Variants in FUBP1 observed in about 807,000 individuals in gnomAD.
The protein encoded by FUBP1 is far upstream element-binding protein 1.
A neutral mutation model predicts 94.9 loss-of-function variants in FUBP1; 16 were observed. The ratio of observed to expected loss-of-function variants is 0.17; its 90% CI spans 0.11 to 0.26. FUBP1 has a LOEUF of 0.26. Ranked by LOEUF, FUBP1 falls within the 10% of genes least tolerant of loss-of-function variation. The pLI is 1.00. For missense variants in FUBP1, 583 were observed against 808.6 expected, an observed-to-expected ratio of 0.72 and a Z score of 3.38; for synonymous variants, 279 against 254.9, an observed-to-expected ratio of 1.09 and a Z score of -0.90.
intron 14 of FUBP1, among the ~76,000 whole-genome samples, chr1:77,962,322 A>G (rs1655641628): frequency 6.6e-6 from 1 of 152,090 alleles, no homozygotes; most frequent in African/African-American, 2.4e-5. Flanking sequence ...ACATTTTAAT[A>G]CCCCCAGATG....
chr1:77,954,898 T>C (rs1363331273), intron 18 of FUBP1, among the ~76,000 whole-genome samples: 1 of 152,216 alleles, frequency 6.6e-6, no homozygotes, highest in African/African-American at 2.4e-5. Context: ...ACTTCTTACC[T>C]GCTTATCTTG....
Position 77,970,026 on chromosome 1 carries a change from AAAAG to A in FUBP1, c.121-15_121-12del, listed in dbSNP as rs1657222298. 6.8e-7 allele frequency: 1 copy of A among 1,476,814 alleles called. No individual in the cohort carries two copies. The highest frequency in any genetic ancestry group is 1.9e-5 in the Admixed American group (1 of 53,998). 91.5% of individuals were successfully genotyped at this position (1,476,814 alleles called of 1,614,324 possible). A position where few individuals can be genotyped will look rare whatever the true frequency, so the allele number is the denominator to read the frequency against. ...AATTTTTGCTGCAATCTAAAAAAAAAAAAGAAAAATACCATCATAAACTATTATA... is the reference window on the plus strand; with the variant it reads ...AATTTTTGCTGCAATCTAAAAAAAAAAAAAATACCATCATAAACTATTATA... On this transcript the variant is annotated splice_polypyrimidine_tract_variant and intron_variant, in intron 1 of 19. Coordinates refer to ENST00000370768, the MANE Select transcript of FUBP1 (RefSeq NM_003902.5).
At chr1:77,973,488 C>CA (rs199636292) in intron 1 of FUBP1, among the ~76,000 whole-genome samples, 16,092 of 152,222 alleles carry the variant, frequency 0.11, 987 homozygotes, top group Admixed American at 0.19. Flanking sequence ...GCAAGTGATC[C>CA]ACCCGCCTCA....
In FUBP1 at chr1:77,978,319, G is replaced by T. The variant is rs145461242; in HGVS notation, c.120+566C>A. ...GCCTGAGGCCATTTTGAGAAATAAG[G>T]GGGGCGGACTGGTGGAACAGACTGA... On this transcript the variant is annotated intron_variant, in intron 1 of 19. Transcript: ENST00000370768. Among the ~76,000 whole-genome samples the T allele has an allele frequency of 1.4e-4, 22 of 152,316 alleles. No homozygotes were observed. The East Asian group carries it at 3.9e-3, about 27-fold the overall frequency.
intron 12 of FUBP1, 43 bp from the exon 13 acceptor site, chr1:77,963,758 T>G: frequency 1.3e-6 from 2 of 1,517,462 alleles, no homozygotes; most frequent in Non-Finnish European, 1.8e-6. Context: ...AGCACAGAAA[T>G]ACTTTTGTTT....
intron 1 of FUBP1, among the ~76,000 whole-genome samples, chr1:77,977,072 A>T (rs1658740588): frequency 6.6e-6 from 1 of 152,262 alleles, no homozygotes. Flanking sequence ...ACACTTATAA[A>T]GCAAGTGGAT....
intron 18 of FUBP1, among the ~76,000 whole-genome samples, chr1:77,954,889 C>G (rs754078110): frequency 9.2e-5 from 14 of 152,202 alleles, no homozygotes; most frequent in Non-Finnish European, 1.9e-4. Flanking sequence ...CTGCAGATTA[C>G]TTCTTACCTG....
At chr1:77,956,189 T>C (rs1482936083) in intron 17 of FUBP1, among the ~76,000 whole-genome samples, 1 of 152,240 alleles carries the variant, frequency 6.6e-6, no homozygotes, top group Non-Finnish European at 1.5e-5. Context: ...TTTGAAGAAG[T>C]ACCCAACAGG....
chr1:77,963,782 T>A (rs554640602), intron 12 of FUBP1, 67 bp from the exon 13 acceptor site: 4 of 1,337,218 alleles, frequency 3.0e-6, no homozygotes, highest in African/African-American at 3.0e-5. Flanking sequence ...GATAAAATTA[T>A]TAAGTTTATT....
At position 77,947,289 on chromosome 1, in the gene FUBP1, C is replaced by G; in HGVS notation, c.*1477G>C. The stretch of plus-strand genomic sequence containing the variant: ...AGCTCACTTTAAAAAAAATACAGAA[C>G]TATGTATTATTCTATGTTAAATTAA... On this transcript the variant is annotated 3_prime_UTR_variant, in exon 20 of 20. Coordinates refer to ENST00000370768, the MANE Select transcript of FUBP1 (RefSeq NM_003902.5). 3.0e-6 allele frequency: 1 copy of G among 328,232 alleles called. No individual in the cohort carries two copies. The highest frequency in any genetic ancestry group is 5.9e-6 in the Non-Finnish European group (1 of 169,712). 20.3% of individuals were successfully genotyped at this position (328,232 alleles called of 1,614,324 possible). A position where few individuals can be genotyped will look rare whatever the true frequency, so the allele number is the denominator to read the frequency against.
rs141436861 is a variant in FUBP1, at chr1:77,947,416, G to C, written c.*1350C>G. 63 of 579,958 alleles carry C rather than the reference G, an allele frequency of 1.1e-4. No homozygotes were observed. In the East Asian group the frequency reaches 2.4e-3, roughly 22 times the overall value. 35.9% of individuals were successfully genotyped at this position (579,958 alleles called of 1,614,324 possible). On this transcript the variant is annotated 3_prime_UTR_variant, in exon 20 of 20. Coordinates refer to ENST00000370768, the MANE Select transcript of FUBP1 (RefSeq NM_003902.5). The stretch of plus-strand genomic sequence containing the variant: ...TGTGGAACATTGACAAAAAGATACT[G>C]TTGCAGTTCATCAATTTGTCATTCT...
chr1:77,978,781 G>C (rs1350919823), intron 1 of FUBP1, 104 bp downstream of exon 1: 1 of 1,377,406 alleles, frequency 7.3e-7, no homozygotes, highest in Non-Finnish European at 1.0e-6. Context: ...CAGCCCGGAA[G>C]AACACCTCTT....
intron 12 of FUBP1, 76 bp downstream of exon 12, chr1:77,963,986 A>G: frequency 1.1e-6 from 1 of 886,526 alleles, no homozygotes; most frequent in Non-Finnish European, 1.9e-6. Context: ...TCTGATATAG[A>G]GGTAACTTCA....
chr1:77,961,222 CTG>C (rs1406112730), intron 14 of FUBP1, among the ~76,000 whole-genome samples: 1 of 152,210 alleles, frequency 6.6e-6, no homozygotes, highest in East Asian at 1.9e-4. Flanking sequence ...TTACACTTAA[CTG>C]TCCTAAAATG....
chr1:77,959,552 A>G (rs1557435565), intron 16 of FUBP1, among the ~76,000 whole-genome samples: 1 of 152,162 alleles, frequency 6.6e-6, no homozygotes, highest in South Asian at 2.1e-4. Context: ...ACATATATAC[A>G]TAATTTTTTA....
At position 77,955,297 on chromosome 1, in the gene FUBP1, C is replaced by A. The variant is rs750095063; in HGVS notation, c.1738G>T (p.Val580Phe). The part of the protein sequence containing the change: ...DQQNPAPAGQ[V>F]DYTKAWEEYY... The stretch of plus-strand genomic sequence containing the variant: ...TCTTCCCAAGCCTTGGTATAATCAA[C>A]CTGTCCAGCTGGGGCTGGATTCTGC... The change falls in exon 18 of 20, where the codon GTT becomes TTT. Residue 580 changes from valine (V) to phenylalanine (F), a missense_variant. Transcript: ENST00000370768. 1.3e-6 allele frequency: 2 copies of A among 1,566,046 alleles called. No individual in the cohort carries two copies. Among genetic ancestry groups the A allele is most frequent in the Admixed American group, 1.7e-5 (1 of 59,900 alleles).
chr1:77,949,510 G>A (rs1273044598), intron 18 of FUBP1, among the ~76,000 whole-genome samples: 1 of 151,438 alleles, frequency 6.6e-6, no homozygotes, highest in East Asian at 1.9e-4. Context: ...AAAGCACAGA[G>A]GGTCAGAATT....
Position 77,949,304 on chromosome 1 carries a change from T to G in FUBP1, c.1781-4A>C. On this transcript the variant is annotated splice_polypyrimidine_tract_variant and splice_region_variant and intron_variant, in intron 18 of 19. Coordinates refer to ENST00000370768, the MANE Select transcript of FUBP1 (RefSeq NM_003902.5). ...GTCGGAGCAGGAACTGCCTGACCTT[T>G]GAAAAAAAAGAACTTTGTTGCTGTA... 1 of 1,609,648 alleles carries G rather than the reference T, an allele frequency of 6.2e-7. No individual in the cohort carries two copies. Among genetic ancestry groups the G allele is most frequent in the Non-Finnish European group, 8.5e-7 (1 of 1,178,096 alleles).
intron 10 of FUBP1, 69 bp downstream of exon 10, chr1:77,964,577 C>T (rs1656124661): frequency 4.3e-6 from 4 of 922,938 alleles, no homozygotes; most frequent in Non-Finnish European, 7.1e-6. Context: ...CTACTTAACA[C>T]AAAACAGAAA....
Sources: allele counts gnomAD v4.1 joint callset (sites outside exome capture counted in the v4.1 genomes callset), GRCh38; gene constraint gnomAD v4.1.1; transcripts MANE v1.5; gene names NCBI Gene and HGNC (gene_info 2026-07-23, HGNC 2026-07-21).